Variants in PMFBP1 observed in about 807,000 individuals in gnomAD.
PMFBP1 encodes polyamine-modulated factor 1-binding protein 1.
In PMFBP1, 131 loss-of-function variants were observed where a neutral mutation model predicts 137.8. The observed-to-expected ratio is 0.95, with a 90% CI of 0.82 to 1.10. The LOEUF is 1.10. Among genes scored for constraint, PMFBP1 ranks in the 50% least tolerant of loss-of-function variants. PMFBP1 has a pLI of 0.00. For missense variants in PMFBP1, 1,199 were observed against 1,175.4 expected (o/e 1.02, Z -0.29); for synonymous variants, 490 against 450.4 (o/e 1.09, Z -1.11).
At chr16:72,208,523 T>G in the PMFBP1 span, among the ~76,000 whole-genome samples, 1 of 152,252 alleles carries the variant, frequency 6.6e-6, no homozygotes. Flanking sequence ...AAAGGTAACT[T>G]TAAAGTAGTT....
chr16:72,210,377 T>C, the PMFBP1 span, among the ~76,000 whole-genome samples: 1 of 152,196 alleles, frequency 6.6e-6, no homozygotes, highest in Non-Finnish European at 1.5e-5. Context: ...GTCTGATCTG[T>C]ACAGCTAATT....
Position 72,164,819 on chromosome 16 carries a change from C to T in PMFBP1, c.110G>A (p.Arg37Lys), listed in dbSNP as rs1376371566. 7 of 1,609,500 alleles carry T rather than the reference C, an allele frequency of 4.3e-6. No individual in the cohort carries two copies. Among genetic ancestry groups the T allele is most frequent in the Non-Finnish European group, 6.0e-6 (7 of 1,176,246 alleles). Residue 37 changes from arginine to lysine, a missense_variant, in exon 3 of 21, where the codon AGG becomes AAG. Transcript: ENST00000237353. ...KNLHDVCKRQ[R>K]KTLQDNQLCM... is the part of the protein sequence containing the mutation. ...GAGCTGATTGTCCTGCAAGGTCTTC[C>T]TCTGTCTCTTGCAGACATCGTGCAG...
At chr16:72,117,401 T>C (rs938400745), downstream of PMFBP1, among the ~76,000 whole-genome samples, 1 of 152,196 alleles carries the variant, frequency 6.6e-6, no homozygotes, top group Non-Finnish European at 1.5e-5. Context: ...CCAGGCTCTT[T>C]TTTGGGGTGG....
At chr16:72,203,622 G>C in the PMFBP1 span, among the ~76,000 whole-genome samples, 5 of 152,090 alleles carry the variant, frequency 3.3e-5, no homozygotes, top group African/African-American at 1.2e-4. Context: ...GGCAAGTACG[G>C]ATGGTGGCCA....
At chr16:72,170,617 G>A (rs184002846) in intron 2 of PMFBP1, among the ~76,000 whole-genome samples, 1 of 152,092 alleles carries the variant, frequency 6.6e-6, no homozygotes, top group Admixed American at 6.5e-5. Flanking sequence ...TTTTTGTAGA[G>A]ACAGGGGTCT....
chr16:72,242,754 G>A, the PMFBP1 span, among the ~76,000 whole-genome samples: 1 of 152,362 alleles, frequency 6.6e-6, no homozygotes, highest in Admixed American at 6.5e-5. Context: ...GAAAATATGT[G>A]TAAGGGCTAT....
Position 72,140,534 on chromosome 16 carries a change from G to C in PMFBP1, c.685C>G (p.Pro229Ala), listed in dbSNP as rs2042702253. ...TCCTGATGCTCTTGAATCATGCAAG[G>C]AGAAGTGTATATCCGTACCTTTGAA... Reference protein sequence around the residue: ...DHSKVRIYTSPCMIQEHQETQ... With the variant: ...DHSKVRIYTSACMIQEHQETQ... Residue 229 changes from proline (P) to alanine (A), a missense_variant, in exon 6 of 21, where the codon CCT (proline) becomes GCT (alanine). By Grantham distance (27) the Pro-to-Ala change is conservative (BLOSUM62 -1). Coordinates refer to ENST00000237353, the MANE Select transcript of PMFBP1 (RefSeq NM_031293.3). 2.5e-6 allele frequency: 4 copies of C among 1,613,644 alleles called. No homozygotes were observed. The highest frequency in any genetic ancestry group is 3.4e-6 in the Non-Finnish European group (4 of 1,179,562).
intron 19 of PMFBP1, among the ~76,000 whole-genome samples, chr16:72,122,647 CT>C (rs1342612363): frequency 1.3e-5 from 2 of 152,230 alleles, no homozygotes; most frequent in Non-Finnish European, 2.9e-5. Flanking sequence ...GCTTAGCACC[CT>C]TGACCTCTGA....
In PMFBP1 at chr16:72,124,866, C is replaced by T; in HGVS notation, c.2490G>A (p.Gln830=). 6.2e-7 allele frequency: 1 copy of T among 1,614,224 alleles called. No individual in the cohort carries two copies. Among genetic ancestry groups the T allele is most frequent in the Non-Finnish European group, 8.5e-7 (1 of 1,180,052 alleles). Reference sequence around the variant, plus strand: ...TGGCTGCCAGCATCTTGAGGTCATTCTGGTGTTGCTTCTGCCACTGCAGCA... The same window carrying T: ...TGGCTGCCAGCATCTTGAGGTCATTTTGGTGTTGCTTCTGCCACTGCAGCA... ...CQVLQWQKQH[Q]NDLKMLAAKE... is the part of the protein sequence containing the mutation. Residue 830 remains glutamine, a synonymous_variant, in exon 17 of 21, where the codon CAG becomes CAA. Transcript: ENST00000237353.
the PMFBP1 span, among the ~76,000 whole-genome samples, chr16:72,192,746 CA>C: frequency 8.9e-4 from 135 of 151,740 alleles, 2 homozygotes; most frequent in Middle Eastern, 6.8e-3. Flanking sequence ...TACTAAAATA[CA>C]AAAAATTAGC....
intron 11 of PMFBP1, 73 bp from the exon 12 acceptor site, chr16:72,130,430 G>A: frequency 2.5e-6 from 4 of 1,608,316 alleles, no homozygotes; most frequent in East Asian, 2.2e-5. Flanking sequence ...CTGACCCAAT[G>A]GGAAATCCTT....
intron 5 of PMFBP1, among the ~76,000 whole-genome samples, chr16:72,141,497 C>T (rs2042721701): frequency 6.6e-6 from 1 of 152,074 alleles, no homozygotes; most frequent in South Asian, 2.1e-4. Context: ...TATTCTAGAA[C>T]TTTATACTAT....
chr16:72,185,961 G>A, the PMFBP1 span, among the ~76,000 whole-genome samples: 1 of 152,180 alleles, frequency 6.6e-6, no homozygotes, highest in East Asian at 1.9e-4. Context: ...AACTGACTAG[G>A]ACAGCATCTT....
rs750053136 is a variant in PMFBP1 at position 72,123,649 on chromosome 16, G to T, written c.2590C>A (p.Pro864Thr). 2.5e-6 allele frequency: 4 copies of T among 1,613,164 alleles called. No individual in the cohort carries two copies. The highest frequency in any genetic ancestry group is 3.4e-6 in the Non-Finnish European group (4 of 1,179,324). ...ACAGACCACTGGGGCAGGCAGCAGG[G>T]CTTGGGTACAAGAAGAAAACGAGAC... is the stretch of plus-strand genomic sequence containing the variant. Reference protein sequence around the residue: ...KENLLEDDKEPCCLPQWSVPK... With the variant: ...KENLLEDDKETCCLPQWSVPK... Residue 864 changes from proline (P) to threonine (T), a missense_variant and splice_region_variant, in exon 18 of 21, where the codon CCC (proline) becomes ACC (threonine). Coordinates refer to ENST00000237353, the MANE Select transcript of PMFBP1 (RefSeq NM_031293.3).
the PMFBP1 span, among the ~76,000 whole-genome samples, chr16:72,217,487 T>G: frequency 2.0e-5 from 3 of 152,210 alleles, no homozygotes; most frequent in Non-Finnish European, 4.4e-5. Context: ...TATTTTGTGC[T>G]ATTCAGAATG....
At chr16:72,168,843 T>C (rs748903779) in intron 2 of PMFBP1, among the ~76,000 whole-genome samples, 1 of 152,154 alleles carries the variant, frequency 6.6e-6, no homozygotes, top group African/African-American at 2.4e-5. Flanking sequence ...TATTAGAAAA[T>C]AGGTTATTTA....
At chr16:72,156,842 A>C (rs1329440246) in intron 3 of PMFBP1, among the ~76,000 whole-genome samples, 1 of 152,048 alleles carries the variant, frequency 6.6e-6, no homozygotes, top group Non-Finnish European at 1.5e-5. Context: ...AATGTGGTAC[A>C]CCTAGTATAT....
At chr16:72,157,565 A>ATTCC in intron 3 of PMFBP1, among the ~76,000 whole-genome samples, 1 of 152,076 alleles carries the variant, frequency 6.6e-6, no homozygotes, top group Non-Finnish European at 1.5e-5. Flanking sequence ...TAAGGGGGAA[A>ATTCC]GCTGTGCCTG....
At chr16:72,169,886 T>A (rs1435414831) in intron 2 of PMFBP1, among the ~76,000 whole-genome samples, 1 of 152,120 alleles carries the variant, frequency 6.6e-6, no homozygotes, top group Non-Finnish European at 1.5e-5. Flanking sequence ...CTGACACATA[T>A]CATGGAAGGC....
Sources: gnomAD v4.1 joint callset for allele counts (sites outside exome capture counted in the v4.1 genomes callset) on GRCh38, gnomAD v4.1.1 for gene constraint, MANE v1.5 for transcripts, NCBI Gene and HGNC (gene_info 2026-07-23, HGNC 2026-07-21) for gene names.